Variants in ADAMTSL1 observed in about 807,000 individuals in gnomAD.
The protein encoded by ADAMTSL1 is ADAMTS like 1, also known as ADAMTS-like protein 1.
A neutral mutation model predicts 201.8 loss-of-function variants in ADAMTSL1; 126 were observed. That is an observed-to-expected ratio of 0.62 (90% confidence interval 0.54 to 0.72). The LOEUF is 0.72. Among genes scored for constraint, ADAMTSL1 ranks in the 30% least tolerant of loss-of-function variants. ADAMTSL1 has a pLI of 0.00. For synonymous variants in ADAMTSL1, 1,121 were observed against 903.4 expected (o/e 1.24, Z -4.32); for missense variants, 2,679 against 2,277.8 (o/e 1.18, Z -3.59).
intron 9 of ADAMTSL1, among the ~76,000 whole-genome samples, chr9:18,670,870 C>T (rs1829765840): frequency 6.6e-6 from 1 of 151,520 alleles, no homozygotes; most frequent in Non-Finnish European, 1.5e-5. Flanking sequence ...ACCCACCCCA[C>T]CCCCACCTCC....
At chr9:18,649,684 C>A (rs75890347) in intron 7 of ADAMTSL1, among the ~76,000 whole-genome samples, 8 of 152,146 alleles carry the variant, frequency 5.3e-5, no homozygotes, top group Non-Finnish European at 1.5e-5. Flanking sequence ...GTATCAGCAG[C>A]GGTGTCTACA....
intron 16 of ADAMTSL1, among the ~76,000 whole-genome samples, chr9:18,754,840 T>C (rs951731559): frequency 2.0e-5 from 3 of 152,242 alleles, no homozygotes; most frequent in African/African-American, 7.2e-5. Context: ...AATTCCATGA[T>C]ACTATGGATG....
At chr9:18,124,272 G>A (rs1825639888) in intron 1 of ADAMTSL1, among the ~76,000 whole-genome samples, 1 of 151,592 alleles carries the variant, frequency 6.6e-6, no homozygotes, top group East Asian at 1.9e-4. Context: ...TAGTAGAGAC[G>A]GGGTTTCACC....
intron 3 of ADAMTSL1, among the ~76,000 whole-genome samples, chr9:18,550,033 G>C (rs1386833632): frequency 6.6e-6 from 1 of 151,952 alleles, no homozygotes; most frequent in Non-Finnish European, 1.5e-5. Context: ...TTACCCCACA[G>C]ATGACAGCTG....
intron 2 of ADAMTSL1, among the ~76,000 whole-genome samples, chr9:18,183,660 C>T (rs1381616472): frequency 6.6e-6 from 1 of 152,122 alleles, no homozygotes; most frequent in East Asian, 1.9e-4. Context: ...ATTAAAACAA[C>T]AGTGAGATAC....
chr9:18,207,138 C>T (rs146436476), intron 2 of ADAMTSL1, among the ~76,000 whole-genome samples: 1,714 of 151,304 alleles, frequency 0.011, 46 homozygotes, highest in East Asian at 0.081. Context: ...GTACTCCAGC[C>T]TGGGTGATAA....
At chr9:18,631,807 C>T (rs147626569) in intron 5 of ADAMTSL1, among the ~76,000 whole-genome samples, 69 of 152,282 alleles carry the variant, frequency 4.5e-4, no homozygotes, top group African/African-American at 1.5e-3. Flanking sequence ...TGAGAAAAGA[C>T]ATTTGCAACC....
chr9:18,196,120 C>G (rs1014244036), intron 2 of ADAMTSL1, among the ~76,000 whole-genome samples: 2 of 152,170 alleles, frequency 1.3e-5, no homozygotes, highest in East Asian at 3.9e-4. Context: ...CATTCATCTA[C>G]TACATAGAGC....
At chr9:17,971,274 C>A (rs888544400) in intron 1 of ADAMTSL1, among the ~76,000 whole-genome samples, 7 of 152,004 alleles carry the variant, frequency 4.6e-5, no homozygotes. Context: ...TTGGAGCTAG[C>A]TATTGACCTT....
chr9:18,851,159 G>T (rs967106675), intron 23 of ADAMTSL1, among the ~76,000 whole-genome samples: 4 of 152,028 alleles, frequency 2.6e-5, no homozygotes, highest in African/African-American at 9.7e-5. Flanking sequence ...GGTGCCATAT[G>T]GGAAGTTTCA....
At chr9:18,521,952 C>T (rs945013609) in intron 2 of ADAMTSL1, among the ~76,000 whole-genome samples, 3 of 152,170 alleles carry the variant, frequency 2.0e-5, no homozygotes, top group African/African-American at 4.8e-5. Context: ...TATGCACAGA[C>T]TCCAGTTCTA....
intron 1 of ADAMTSL1, among the ~76,000 whole-genome samples, chr9:18,486,662 G>A (rs893983507): frequency 1.3e-5 from 2 of 152,150 alleles, no homozygotes; most frequent in African/African-American, 4.8e-5. Flanking sequence ...CCGAGATTGT[G>A]TTGACTGCAC....
intron 19 of ADAMTSL1, among the ~76,000 whole-genome samples, chr9:18,783,894 C>G (rs1220383495): frequency 6.6e-6 from 1 of 152,200 alleles, no homozygotes; most frequent in African/African-American, 2.4e-5. Context: ...GACCATTCAC[C>G]ATGCTACTGC....
Position 18,527,774 on chromosome 9 carries a change from T to C in ADAMTSL1, c.192-5473T>C, listed in dbSNP as rs1295321618. ...TTGTGATTGAGATTATTTCTATTTT[T>C]AAGAGAAGGAATTAAATCAAAATCT... On this transcript the variant is annotated intron_variant, in intron 2 of 28. Transcript: ENST00000380548. Among the ~76,000 whole-genome samples, 4 of 152,302 alleles carry C rather than the reference T, an allele frequency of 2.6e-5. No homozygotes were observed. The East Asian group carries it at 7.7e-4, about 29-fold the overall frequency.
chr9:18,125,848 G>A (rs564085421), intron 1 of ADAMTSL1, among the ~76,000 whole-genome samples: 18 of 152,194 alleles, frequency 1.2e-4, no homozygotes, highest in African/African-American at 2.6e-4. Context: ...AGTCTTCCAC[G>A]GACTCTGACA....
At chr9:18,049,529 A>C (rs1304014994) in intron 1 of ADAMTSL1, among the ~76,000 whole-genome samples, 3 of 152,168 alleles carry the variant, frequency 2.0e-5, no homozygotes, top group Non-Finnish European at 2.9e-5. Context: ...ATTTTGACCG[A>C]TGATAAAGCC....
At chr9:18,154,978 G>C (rs997847416) in intron 1 of ADAMTSL1, among the ~76,000 whole-genome samples, 1 of 152,048 alleles carries the variant, frequency 6.6e-6, no homozygotes, top group Non-Finnish European at 1.5e-5. Context: ...GGAGTGTATG[G>C]TGAGGGTTGC....
intron 2 of ADAMTSL1, among the ~76,000 whole-genome samples, chr9:18,406,687 T>C (rs1026122881): frequency 6.6e-6 from 1 of 152,306 alleles, no homozygotes; most frequent in African/African-American, 2.4e-5. Context: ...CTGTTTCTAT[T>C]AATTAGTAAT....
intron 2 of ADAMTSL1, among the ~76,000 whole-genome samples, chr9:18,271,320 A>G (rs1832353748): frequency 6.6e-6 from 1 of 151,920 alleles, no homozygotes; most frequent in African/African-American, 2.4e-5. Flanking sequence ...TCCTAATGCT[A>G]TCCCTCCCCA....
Sources: allele counts gnomAD v4.1 joint callset (sites outside exome capture counted in the v4.1 genomes callset), GRCh38; gene constraint gnomAD v4.1.1; transcripts MANE v1.5; gene names NCBI Gene and HGNC (gene_info 2026-07-23, HGNC 2026-07-21).